RPS27L: variants seen among roughly 807,000 people sequenced by gnomAD.
RPS27L encodes ribosomal protein eS27-like.
Under a neutral mutation model 12.8 loss-of-function variants are expected in RPS27L, and 10 were observed. The observed-to-expected ratio is 0.78, with a 90% CI of 0.48 to 1.33. The LOEUF is 1.33. Among genes scored for constraint, RPS27L ranks in the 40% most tolerant of loss-of-function variants. The pLI is 0.00. For synonymous variants in RPS27L, 26 were observed against 32.3 expected (o/e 0.81, Z 0.66); for missense variants, 81 against 97.4 (o/e 0.83, Z 0.71).
intron 1 of RPS27L, chr15:63,157,114 C>T (rs1374069783): frequency 1.9e-6 from 1 of 519,556 alleles, no homozygotes; most frequent in East Asian, 3.6e-5. Context: ...AGATCACAAC[C>T]TCAGGGGCAT....
chr15:63,157,352 C>A, intron 1 of RPS27L, 48 bp downstream of exon 1: 2 of 1,610,384 alleles, frequency 1.2e-6, no homozygotes, highest in Non-Finnish European at 8.5e-7. Context: ...ATATGACTCT[C>A]GGTAAAGAAG....
intron 1 of RPS27L, 21 bp downstream of exon 1, chr15:63,157,379 A>G: frequency 6.2e-7 from 1 of 1,613,982 alleles, no homozygotes; most frequent in Non-Finnish European, 8.5e-7. Flanking sequence ...ACAAACCCGG[A>G]GCCCGATGTA....
chr15:63,153,928 A>C lies in RPS27L; in HGVS notation c.*104T>G. On this transcript the variant is annotated 3_prime_UTR_variant, in exon 4 of 4. Coordinates refer to ENST00000330964, the MANE Select transcript of RPS27L (RefSeq NM_015920.4). ...TACTGCTGTATACCTTACAAAACCA[A>C]ATGTAATTACATTATCTTGGTAAAT... 9.6e-7 allele frequency: 1 copy of C among 1,039,304 alleles called. No individual in the cohort carries two copies. Among genetic ancestry groups the C allele is most frequent in the Non-Finnish European group, 1.5e-6 (1 of 673,124 alleles). The allele number at this position is 1,039,304 out of a possible 1,614,324, so 64.4% of individuals were successfully genotyped here. A position where few individuals can be genotyped will look rare whatever the true frequency, so the allele number is the denominator to read the frequency against.
chr15:63,155,743 A>G lies in RPS27L; in HGVS notation c.116-12T>C. Reference sequence around the variant, plus strand: ...GATCTTGTAGCAACCTAAAAAAAAAAAAAGGCAATGTTAAAAATGAAAAGC... The same window carrying G: ...GATCTTGTAGCAACCTAAAAAAAAAGAAAGGCAATGTTAAAAATGAAAAGC... On this transcript the variant is annotated splice_polypyrimidine_tract_variant and intron_variant, in intron 2 of 3. Coordinates refer to ENST00000330964, the MANE Select transcript of RPS27L (RefSeq NM_015920.4). 1 of 1,447,550 alleles carries G rather than the reference A, an allele frequency of 6.9e-7. No individual in the cohort carries two copies. The highest frequency in any genetic ancestry group is 9.2e-7 in the Non-Finnish European group (1 of 1,087,992). 89.7% of individuals were successfully genotyped at this position (1,447,550 alleles called of 1,614,324 possible).
At position 63,153,809 on chromosome 15, in the gene RPS27L, G is replaced by T; in HGVS notation, c.*223C>A. 29 of 499,162 alleles carry T rather than the reference G, an allele frequency of 5.8e-5. No individual in the cohort carries two copies. The highest frequency in any genetic ancestry group is 1.5e-4 in the Admixed American group (4 of 26,682). The allele number at this position is 499,162 out of a possible 1,614,324, so 30.9% of individuals were successfully genotyped here. A position where few individuals can be genotyped will look rare whatever the true frequency, so the allele number is the denominator to read the frequency against. ...ATTCATATACACCATATATATAAAT[G>T]TATGGCATACTCAAATATATTTTAA... On this transcript the variant is annotated 3_prime_UTR_variant, in exon 4 of 4. Transcript: ENST00000330964.
Position 63,148,353 on chromosome 15 carries a change from A to G in RPS27L, c.*5679T>C, listed in dbSNP as rs1236231734. The G allele has an allele frequency of 1.3e-5, 2 of 151,318 alleles. No individual in the cohort carries two copies. The highest frequency in any genetic ancestry group is 2.9e-5 in the Non-Finnish European group (2 of 67,984). The allele number at this position is 151,318 out of a possible 1,614,324, so 9.4% of individuals were successfully genotyped here. On this transcript the variant is annotated 3_prime_UTR_variant, in exon 4 of 4. Transcript: ENST00000330964. ...ATGTTGGTATTTTAATTAGTTGGCTACAAATAAAGAAAAAACACAACTTCA... is the reference window on the plus strand; with the variant it reads ...ATGTTGGTATTTTAATTAGTTGGCTGCAAATAAAGAAAAAACACAACTTCA...
At chr15:63,157,292 G>T in intron 1 of RPS27L, 108 bp downstream of exon 1, 1 of 1,243,170 alleles carries the variant, frequency 8.0e-7, no homozygotes. Context: ...GAGCCGCCTC[G>T]CCACTCTCGG....
rs1194317047 is a variant in RPS27L, at chr15:63,153,715, ACT to A, written c.*315_*316del. The A allele has an allele frequency of 8.4e-6, 2 of 238,556 alleles. No homozygotes were observed. 14.8% of individuals were successfully genotyped at this position (238,556 alleles called of 1,614,324 possible). On this transcript the variant is annotated 3_prime_UTR_variant, in exon 4 of 4. Transcript: ENST00000330964. ...ACTCCAGCTTGAGTGACAGAGCAGGACTCTCTCTCTCAAAAAAAAAAAAAAAG... is the reference window on the plus strand; with the variant it reads ...ACTCCAGCTTGAGTGACAGAGCAGGACTCTCTCTCAAAAAAAAAAAAAAAG...
rs1425748627 is a variant in RPS27L, at chr15:63,151,898, A to G, written c.*2134T>C. ...AATCAATGTGGAAGAAATAAGGACA[A>G]TGGTGTCCAATCTGATTTCAATTTT... On this transcript the variant is annotated 3_prime_UTR_variant, in exon 4 of 4. Coordinates refer to ENST00000330964, the MANE Select transcript of RPS27L (RefSeq NM_015920.4). 1 of 152,242 alleles carries G rather than the reference A, an allele frequency of 6.6e-6. No homozygotes were observed. The highest frequency in any genetic ancestry group is 6.5e-5 in the Admixed American group (1 of 15,278). 9.4% of individuals were successfully genotyped at this position (152,242 alleles called of 1,614,324 possible). A position where few individuals can be genotyped will look rare whatever the true frequency, so the allele number is the denominator to read the frequency against.
chr15:63,155,430 G>T, intron 3 of RPS27L, 191 bp downstream of exon 3: 2 of 422,930 alleles, frequency 4.7e-6, no homozygotes, highest in Non-Finnish European at 8.4e-6. Flanking sequence ...AGAAAAATAA[G>T]TCAATGGAGT....
rs1205674252 is a variant in RPS27L at position 63,153,471 on chromosome 15, A to G, written c.*561T>C. On this transcript the variant is annotated 3_prime_UTR_variant, in exon 4 of 4. Transcript: ENST00000330964. ...GCAGAACTACATTTAGAATTCACAAATAATAGACTTTACATCTGTAATCCT... is the reference window on the plus strand; with the variant it reads ...GCAGAACTACATTTAGAATTCACAAGTAATAGACTTTACATCTGTAATCCT... The G allele has an allele frequency of 1.3e-5, 2 of 152,296 alleles. No individual in the cohort carries two copies. The highest frequency in any genetic ancestry group is 4.8e-5 in the African/African-American group (2 of 41,464). 9.4% of individuals were successfully genotyped at this position (152,296 alleles called of 1,614,324 possible).
chr15:63,156,547 ATTAGTT>A (rs1566997928), intron 1 of RPS27L, 26 bp from the exon 2 acceptor site: 1 of 1,393,536 alleles, frequency 7.2e-7, no homozygotes, highest in Admixed American at 1.7e-5. Context: ...TATTATTACT[ATTAGTT>A]TTAAACCACA....
Position 63,149,276 on chromosome 15 carries a change from C to T in RPS27L, c.*4756G>A, listed in dbSNP as rs1314095765. Reference sequence around the variant, plus strand: ...GTAAAATGCAATAATGTACTCTATTCCTTCCAAAGATTTAAGTTTTTTTCC... The same window carrying T: ...GTAAAATGCAATAATGTACTCTATTTCTTCCAAAGATTTAAGTTTTTTTCC... On this transcript the variant is annotated 3_prime_UTR_variant, in exon 4 of 4. Coordinates refer to ENST00000330964, the MANE Select transcript of RPS27L (RefSeq NM_015920.4). 1 of 152,106 alleles carries T rather than the reference C, an allele frequency of 6.6e-6. No homozygotes were observed. Among genetic ancestry groups the T allele is most frequent in the Non-Finnish European group, 1.5e-5 (1 of 68,034 alleles). The allele number at this position is 152,106 out of a possible 1,614,324, so 9.4% of individuals were successfully genotyped here.
chr15:63,156,765 A>G, intron 1 of RPS27L: 1 of 591,668 alleles, frequency 1.7e-6, no homozygotes. Flanking sequence ...GGTAAGGCAA[A>G]CTTTGTCCTT....
At position 63,153,371 on chromosome 15, in the gene RPS27L, T is replaced by C. The variant is rs2037312561; in HGVS notation, c.*661A>G. ...TTTTTGAAACTATTCTTTTTAATTATAGTTTAAGTTCTGGGGTACACGTGC... is the reference window on the plus strand; with the variant it reads ...TTTTTGAAACTATTCTTTTTAATTACAGTTTAAGTTCTGGGGTACACGTGC... On this transcript the variant is annotated 3_prime_UTR_variant, in exon 4 of 4. Transcript: ENST00000330964. 1 of 152,238 alleles carries C rather than the reference T, an allele frequency of 6.6e-6. No homozygotes were observed. The highest frequency in any genetic ancestry group is 1.5e-5 in the Non-Finnish European group (1 of 68,050). The allele number at this position is 152,238 out of a possible 1,614,324, so 9.4% of individuals were successfully genotyped here. A position where few individuals can be genotyped will look rare whatever the true frequency, so the allele number is the denominator to read the frequency against.
At chr15:63,155,882 A>T (rs2037329192) in intron 2 of RPS27L, 151 bp from the exon 3 acceptor site, 1 of 428,342 alleles carries the variant, frequency 2.3e-6, no homozygotes, top group Non-Finnish European at 4.1e-6. Context: ...GCAGCGACAC[A>T]AAATTTTTTA....
In RPS27L at chr15:63,151,824, T is replaced by C. The variant is rs2037301467; in HGVS notation, c.*2208A>G. On this transcript the variant is annotated 3_prime_UTR_variant, in exon 4 of 4. Coordinates refer to ENST00000330964, the MANE Select transcript of RPS27L (RefSeq NM_015920.4). ...ATTCCCTTTGATGGCATCCTATCCT[T>C]GTGAAGCTGGGTTTGGAGCCACTGC... 6.6e-6 allele frequency: 1 copy of C among 152,190 alleles called. No individual in the cohort carries two copies. The highest frequency in any genetic ancestry group is 2.4e-5 in the African/African-American group (1 of 41,442). 9.4% of individuals were successfully genotyped at this position (152,190 alleles called of 1,614,324 possible).
rs1307935209 is a variant in RPS27L at position 63,151,867 on chromosome 15, T to C, written c.*2165A>G. On this transcript the variant is annotated 3_prime_UTR_variant, in exon 4 of 4. Coordinates refer to ENST00000330964, the MANE Select transcript of RPS27L (RefSeq NM_015920.4). ...GCCACTGCTATGACAAAAAGCACCA[T>C]GCAAAAATCAATGTGGAAGAAATAA... 1.3e-5 allele frequency: 2 copies of C among 152,206 alleles called. No homozygotes were observed. The highest frequency in any genetic ancestry group is 6.5e-5 in the Admixed American group (1 of 15,280). The allele number at this position is 152,206 out of a possible 1,614,324, so 9.4% of individuals were successfully genotyped here. A position where few individuals can be genotyped will look rare whatever the true frequency, so the allele number is the denominator to read the frequency against.
intron 2 of RPS27L, 38 bp from the exon 3 acceptor site, chr15:63,155,769 A>G: frequency 4.8e-6 from 6 of 1,239,846 alleles, no homozygotes; most frequent in Non-Finnish European, 6.5e-6. Flanking sequence ...AATGAAAAGC[A>G]GAGGAAAACA....
Sources: gnomAD v4.1 joint callset for allele counts on GRCh38, gnomAD v4.1.1 for gene constraint, MANE v1.5 for transcripts, NCBI Gene and HGNC (gene_info 2026-07-23, HGNC 2026-07-21) for gene names.